Variants in FGFR2 observed in about 807,000 individuals in gnomAD.
FGFR2 encodes the protein fibroblast growth factor receptor 2, also known as BEK fibroblast growth factor receptor.
FGFR2 carries 19 observed loss-of-function variants against 95.9 expected under a neutral mutation model. That is an observed-to-expected ratio of 0.20 (90% CI 0.14 to 0.29). The LOEUF is 0.29. FGFR2 is among the 10% of genes least tolerant of loss of function. The pLI is 1.00. For missense variants in FGFR2, 707 were observed against 1,056.9 expected, an observed-to-expected ratio of 0.67 and a Z score of 4.59; for synonymous variants, 392 against 393.3, an observed-to-expected ratio of 1.00 and a Z score of 0.04.
Position 121,518,003 on chromosome 10 carries a change from T to G in FGFR2, c.940-540A>C, listed in dbSNP as rs768388891. On this transcript the variant is annotated intron_variant, in intron 7 of 17. Coordinates refer to ENST00000358487, the MANE Select transcript of FGFR2 (RefSeq NM_000141.5). This position sits in a 1 kb window ranked among gnomAD's most constrained non-coding sequence, Gnocchi z 4.0. ...TATTTTTACTTCTGCGATACCATCTTGCCCTACATAGCATTGACAAAAAGA... is the reference window on the plus strand; with the variant it reads ...TATTTTTACTTCTGCGATACCATCTGGCCCTACATAGCATTGACAAAAAGA... The G allele has an allele frequency of 2.1e-6, 1 of 474,984 alleles. No individual in the cohort carries two copies. The highest frequency in any genetic ancestry group is 1.6e-5 in the South Asian group (1 of 62,120). The allele number at this position is 474,984 out of a possible 1,614,324, so 29.4% of individuals were successfully genotyped here. A position where few individuals can be genotyped will look rare whatever the true frequency, so the allele number is the denominator to read the frequency against.
At chr10:121,568,349 AT>A (rs758536952) in intron 2 of FGFR2, among the ~76,000 whole-genome samples, 5 of 152,236 alleles carry the variant, frequency 3.3e-5, no homozygotes, top group Non-Finnish European at 7.3e-5. Context: ...GTTAGAATGA[AT>A]TTACATTGGA....
chr10:121,552,817 G>C (rs1043240525), intron 4 of FGFR2, among the ~76,000 whole-genome samples: 6 of 152,222 alleles, frequency 3.9e-5, no homozygotes, highest in African/African-American at 1.4e-4. Context: ...ACAGGGACTT[G>C]AACATTGTAG....
chr10:121,545,347 G>A lies in FGFR2; in HGVS notation c.624+5943C>T, dbSNP rs146451809. 3.6e-3 allele frequency among the ~76,000 whole-genome samples: 546 copies of A among 152,320 alleles called. 1 individual carries two copies. The highest frequency in any genetic ancestry group is 0.012 in the African/African-American group (488 of 41,570). On this transcript the variant is annotated intron_variant, in intron 5 of 17. Coordinates refer to ENST00000358487, the MANE Select transcript of FGFR2 (RefSeq NM_000141.5). ...ATTTGAAGCAAGCAGTTTAGCAAGA[G>A]CATAAATTCTGGTGCAAAACCACGT...
intron 6 of FGFR2, among the ~76,000 whole-genome samples, chr10:121,525,134 G>C (rs1464854001): frequency 6.6e-6 from 1 of 152,184 alleles, no homozygotes; most frequent in African/African-American, 2.4e-5. Context: ...CTGATGAGTA[G>C]CTCCTCTGTT....
In FGFR2 at chr10:121,580,202, G is replaced by A. The variant is rs139117073; in HGVS notation, c.109+13507C>T. Among the ~76,000 whole-genome samples the A allele has an allele frequency of 7.9e-5, 12 of 152,314 alleles. No individual in the cohort carries two copies. In the East Asian group the frequency reaches 2.3e-3, roughly 29 times the overall value. On this transcript the variant is annotated intron_variant, in intron 2 of 17. Coordinates refer to ENST00000358487, the MANE Select transcript of FGFR2 (RefSeq NM_000141.5). ...TTAAGAGTTATTCCAGGAGGGCAAG[G>A]CTGCCTCCTGCTTTCTCAACTCAGG...
At chr10:121,545,924 G>A (rs186766804) in intron 5 of FGFR2, among the ~76,000 whole-genome samples, 2 of 152,224 alleles carry the variant, frequency 1.3e-5, no homozygotes, top group East Asian at 1.9e-4. Flanking sequence ...AATACCCAAC[G>A]CTGAGGGCTT....
Position 121,496,645 on chromosome 10 carries a change from T to C in FGFR2, c.1750A>G (p.Met584Val), listed in dbSNP as rs759496676. 4 of 1,610,488 alleles carry C rather than the reference T, an allele frequency of 2.5e-6. No individual in the cohort carries two copies. The highest frequency in any genetic ancestry group is 2.2e-5 in the East Asian group (1 of 44,654). Residue 584 changes from methionine (M) to valine (V), a missense_variant, in exon 13 of 18, where the codon ATG becomes GTG. Coordinates refer to ENST00000358487, the MANE Select transcript of FGFR2 (RefSeq NM_000141.5). ...EYLRARRPPGMEYSYDINRVP... is the reference protein window; with the variant it reads ...EYLRARRPPGVEYSYDINRVP... ...CGGTTAATGTCATAGGAGTACTCCA[T>C]CCCGGGTGGCCTCCGGGCTCGGAGG...
chr10:121,522,171 AGTT>A (rs1235457350), intron 6 of FGFR2, among the ~76,000 whole-genome samples: 2 of 152,214 alleles, frequency 1.3e-5, no homozygotes, highest in African/African-American at 4.8e-5. Context: ...AGAGGCATAA[AGTT>A]TCAGTAAAGC....
intron 5 of FGFR2, among the ~76,000 whole-genome samples, chr10:121,548,423 G>C (rs147868617): frequency 3.9e-5 from 6 of 152,056 alleles, no homozygotes; most frequent in African/African-American, 1.2e-4. Flanking sequence ...TTTCTGCTGG[G>C]AGTCCTCATT....
At chr10:121,519,126 C>T (rs1265266432) in intron 7 of FGFR2, among the ~76,000 whole-genome samples, 2 of 152,144 alleles carry the variant, frequency 1.3e-5, no homozygotes, top group Admixed American at 1.3e-4. Flanking sequence ...GGTGAGAACA[C>T]TTCATTGGCT....
chr10:121,535,066 C>G (rs1554939748), intron 6 of FGFR2, among the ~76,000 whole-genome samples: 5 of 152,088 alleles, frequency 3.3e-5, no homozygotes, highest in Non-Finnish European at 7.4e-5. Context: ...AAGAGGAAGA[C>G]AGAAGGAGAT....
rs768650541 is a variant in FGFR2 at position 121,565,606 on chromosome 10, T to C, written c.208A>G (p.Ile70Val). 1 of 1,614,220 alleles carries C rather than the reference T, an allele frequency of 6.2e-7. No homozygotes were observed. Among genetic ancestry groups the C allele is most frequent in the South Asian group, 1.1e-5 (1 of 91,082 alleles). ...VRCLLKDAAV[I>V]SWTKDGVHLG... ...TGCACCCCATCCTTAGTCCAACTGA[T>C]CACGGCGGCATCTTTCAACAGGCAG... Residue 70 changes from isoleucine (I) to valine (V), a missense_variant, in exon 3 of 18, where the codon ATC becomes GTC. Ile to Val is a conservative substitution (Grantham distance 29, BLOSUM62 3). This residue lies in a region of FGFR2 where 178 missense variants were observed against 194.1 expected (regional missense o/e 0.92). Transcript: ENST00000358487.
intron 6 of FGFR2, chr10:121,530,495 CGCCTATAATCCCA>C (rs1451785528): frequency 6.6e-6 from 1 of 152,396 alleles, no homozygotes; most frequent in African/African-American, 2.4e-5. Context: ...TGATGATGTC[CGCCTATAATCCCA>C]GCTACCAGGA....
intron 15 of FGFR2, 29 bp downstream of exon 15, chr10:121,487,325 A>C: frequency 6.3e-7 from 1 of 1,589,476 alleles, no homozygotes. Context: ...CAAGCCCAGG[A>C]AAAAGCCAGA....
chr10:121,542,390 C>CA (rs1853895743), intron 5 of FGFR2, among the ~76,000 whole-genome samples: 2 of 152,058 alleles, frequency 1.3e-5, no homozygotes, highest in Admixed American at 1.3e-4. Flanking sequence ...ACACACACAA[C>CA]AAAAAAGTAT....
intron 6 of FGFR2, among the ~76,000 whole-genome samples, chr10:121,521,235 T>C (rs1350543646): frequency 1.3e-5 from 2 of 152,228 alleles, no homozygotes; most frequent in Non-Finnish European, 2.9e-5. Context: ...GGCTATGTTT[T>C]AGACTGCCCT....
At chr10:121,507,693 C>T (rs1020257617) in intron 9 of FGFR2, among the ~76,000 whole-genome samples, 1 of 152,152 alleles carries the variant, frequency 6.6e-6, no homozygotes, top group Admixed American at 6.5e-5. Flanking sequence ...AGGCCTGGCA[C>T]TAAGAGCTCA....
chr10:121,576,013 C>T (rs1470470905), intron 2 of FGFR2, among the ~76,000 whole-genome samples: 1 of 151,626 alleles, frequency 6.6e-6, no homozygotes, highest in Non-Finnish European at 1.5e-5. Context: ...CATGGAGAAA[C>T]CCCGTCTCTA....
chr10:121,518,830 C>A lies in FGFR2; in HGVS notation c.939+1149G>T, dbSNP rs1446776805. ...CATTGGAACTATTTATCCCCGAGTG[C>A]TAGAACAGACACAGGAGAACAATAT... On this transcript the variant is annotated intron_variant, in intron 7 of 17. Transcript: ENST00000358487. The surrounding 1 kb of genome is among the most constrained non-coding windows in gnomAD (Gnocchi z 4.0). The A allele has an allele frequency of 6.2e-7, 1 of 1,613,894 alleles. No homozygotes were observed. The highest frequency in any genetic ancestry group is 2.2e-5 in the East Asian group (1 of 44,894).
Sources: allele counts gnomAD v4.1 joint callset (sites outside exome capture counted in the v4.1 genomes callset), GRCh38; gene constraint gnomAD v4.1.1; regional missense constraint gnomAD v4.1.1; non-coding constraint Gnocchi (gnomAD v3.1); transcripts MANE v1.5; gene names NCBI Gene and HGNC (gene_info 2026-07-23, HGNC 2026-07-21).